TTC12: variants seen among roughly 807,000 people sequenced by gnomAD.
TTC12 encodes tetratricopeptide repeat domain 12.
In TTC12, 70 loss-of-function variants were observed where a neutral mutation model predicts 90.1. The observed-to-expected ratio is 0.78, with a 90% confidence interval of 0.64 to 0.95. The LOEUF (loss-of-function observed/expected upper bound fraction) is 0.95. Ranked by LOEUF, TTC12 falls within the 40% of genes least tolerant of loss-of-function variation. The probability of loss-of-function intolerance (pLI) is 0.00; values close to 1 mark genes in which losing one functional copy is unlikely to be tolerated. For missense variants in TTC12, 819 were observed against 846.1 expected (o/e 0.97, Z 0.40); for synonymous variants, 296 against 311.5 (o/e 0.95, Z 0.53).
At chr11:113,342,490 T>G (rs1236643083) in intron 12 of TTC12, among the ~76,000 whole-genome samples, 1 of 152,186 alleles carries the variant, frequency 6.6e-6, no homozygotes, top group Non-Finnish European at 1.5e-5. Context: ...TTTACTTACT[T>G]CTGTCATTTT....
chr11:113,325,716 G>C (rs1348139900), intron 6 of TTC12, 71 bp downstream of exon 6: 1 of 1,574,008 alleles, frequency 6.4e-7, no homozygotes, highest in Non-Finnish European at 8.6e-7. Flanking sequence ...GGAAAACAAA[G>C]ATGAGGCTAG....
At chr11:113,327,263 T>C (rs1363024546) in intron 6 of TTC12, among the ~76,000 whole-genome samples, 1 of 152,234 alleles carries the variant, frequency 6.6e-6, no homozygotes, top group East Asian at 1.9e-4. Context: ...TGAAAAGGTT[T>C]GAGGGAGTGA....
Position 113,340,688 on chromosome 11 carries a change from T to A in TTC12, c.851T>A (p.Met284Lys), listed in dbSNP as rs554680182. The A allele has an allele frequency of 3.7e-6, 6 of 1,614,132 alleles. No homozygotes were observed. The South Asian group carries it at 5.5e-5, about 15-fold the overall frequency. ...NECTEQTLFRMHNGFSIISDN... is the reference protein window; with the variant it reads ...NECTEQTLFRKHNGFSIISDN... ...GGCACAGAACAAACTTTATTCAGAA[T>A]GCACAATGGATTTAGTATCATCAGT... The change falls in exon 11 of 22, where the codon ATG becomes AAG. Residue 284 changes from methionine (M) to lysine (K), a missense_variant. Coordinates refer to ENST00000529221, the MANE Select transcript of TTC12 (RefSeq NM_017868.4).
chr11:113,332,574 G>T (rs1241943865), intron 7 of TTC12, among the ~76,000 whole-genome samples: 1 of 152,070 alleles, frequency 6.6e-6, no homozygotes, highest in African/African-American at 2.4e-5. Context: ...TTCATGAGGG[G>T]TCACCCCTCT....
At chr11:113,341,984 G>C in intron 12 of TTC12, 59 bp downstream of exon 12, 2 of 1,451,016 alleles carry the variant, frequency 1.4e-6, no homozygotes, top group Non-Finnish European at 1.9e-6. Flanking sequence ...GAACTACGCT[G>C]TTGGGTGGAC....
intron 18 of TTC12, 68 bp from the exon 19 acceptor site, chr11:113,362,333 G>C: frequency 8.1e-7 from 1 of 1,231,526 alleles, no homozygotes; most frequent in Non-Finnish European, 1.2e-6. Flanking sequence ...CAAACTCCCC[G>C]TTAGCTTTTA....
downstream of TTC12, among the ~76,000 whole-genome samples, chr11:113,367,834 A>AG (rs1181656741): frequency 7.7e-6 from 1 of 129,502 alleles, no homozygotes; most frequent in Non-Finnish European, 1.8e-5. Flanking sequence ...CTGGGTGGCA[A>AG]GCAAGTGACA....
At chr11:113,341,795 G>A (rs1360694180) in intron 11 of TTC12, 42 bp from the exon 12 acceptor site, 2 of 1,479,648 alleles carry the variant, frequency 1.4e-6, no homozygotes, top group Non-Finnish European at 1.9e-6. Flanking sequence ...AATCAAGACT[G>A]ATTTTCAGAC....
At chr11:113,366,409 T>C, downstream of TTC12, 1 of 1,547,744 alleles carries the variant, frequency 6.5e-7, no homozygotes, top group Admixed American at 1.8e-5. Context: ...AGTACTCATT[T>C]TTAGAGTGTT....
rs547866431 is a variant in TTC12 at position 113,334,154 on chromosome 11, A to G, written c.505-812A>G. ...CCGAGCTTGAACTCTTAACCTCTTC[A>G]TATCTAAACCTTTGAAGGGCATCTG... On this transcript the variant is annotated intron_variant, in intron 7 of 21. Coordinates refer to ENST00000529221, the MANE Select transcript of TTC12 (RefSeq NM_017868.4). Among the ~76,000 whole-genome samples, 6 of 152,334 alleles carry G rather than the reference A, an allele frequency of 3.9e-5. No individual in the cohort carries two copies. In the South Asian group the frequency reaches 6.2e-4, roughly 16 times the overall value.
chr11:113,342,114 T>C (rs936218654), intron 12 of TTC12, among the ~76,000 whole-genome samples, 189 bp downstream of exon 12: 1 of 152,162 alleles, frequency 6.6e-6, no homozygotes, highest in Non-Finnish European at 1.5e-5. Flanking sequence ...AAGGTTGGGG[T>C]GAAGGGAGGA....
At chr11:113,338,620 A>G (rs1420359831) in intron 8 of TTC12, among the ~76,000 whole-genome samples, 154 bp from the exon 9 acceptor site, 2 of 152,206 alleles carry the variant, frequency 1.3e-5, no homozygotes, top group East Asian at 1.9e-4. Flanking sequence ...AAAAATGTCA[A>G]ATGCACATTG....
At chr11:113,331,798 A>G (rs1555142636) in intron 7 of TTC12, among the ~76,000 whole-genome samples, 1 of 152,234 alleles carries the variant, frequency 6.6e-6, no homozygotes, top group Non-Finnish European at 1.5e-5. Flanking sequence ...ACATTAAAAA[A>G]CACTGACACT....
At chr11:113,362,549 C>A (rs782688389) in intron 19 of TTC12, 47 bp downstream of exon 19, 6 of 1,275,626 alleles carry the variant, frequency 4.7e-6, no homozygotes, top group Non-Finnish European at 6.9e-6. Flanking sequence ...ACAGAAGTCT[C>A]CTATTTTATT....
Position 113,338,788 on chromosome 11 carries a change from TAAG to T in TTC12, c.596_598del (p.Lys199del). On this transcript the variant is annotated inframe_deletion, in exon 9 of 22. Coordinates refer to ENST00000529221, the MANE Select transcript of TTC12 (RefSeq NM_017868.4). ...CTTTTTTCCAGTCTAGAGAGTGTTA[TAAG>T]AAGATCTTAGAAATAAACCCCAAGC... The T allele has an allele frequency of 5.6e-6, 9 of 1,614,024 alleles. No individual in the cohort carries two copies. The highest frequency in any genetic ancestry group is 1.7e-5 in the Admixed American group (1 of 60,022).
chr11:113,341,837 G>GTGTTTT lies in TTC12; in HGVS notation c.899_904dup (p.Cys300_Phe301dup), dbSNP rs1948703415. 1 of 1,611,934 alleles carries GTGTTTT rather than the reference G, an allele frequency of 6.2e-7. No individual in the cohort carries two copies. The highest frequency in any genetic ancestry group is 1.3e-5 in the African/African-American group (1 of 74,872). ...GATAGCTCTCCTTTGTCCATTCTAG[G>GTGTTTT]TGTTTTTCCACAGCAGGAAATGATG... On this transcript the variant is annotated inframe_insertion and splice_region_variant, in exon 12 of 22. Transcript: ENST00000529221.
chr11:113,351,492 T>C (rs192330738), intron 15 of TTC12, among the ~76,000 whole-genome samples, 193 bp downstream of exon 15: 27 of 152,318 alleles, frequency 1.8e-4, no homozygotes, highest in Middle Eastern at 6.8e-3. Context: ...GGCATATGGA[T>C]GGCGCTGGTT....
rs972670035 is a variant in TTC12, at chr11:113,352,077, A to G, written c.1316A>G (p.Asp439Gly). 2.5e-6 allele frequency: 4 copies of G among 1,613,734 alleles called. No individual in the cohort carries two copies. The highest frequency in any genetic ancestry group is 3.4e-6 in the Non-Finnish European group (4 of 1,179,880). Reference protein sequence around the residue: ...LPALTGVLKTDPKVSSSSALC... With the variant: ...LPALTGVLKTGPKVSSSSALC... ...CTCTCAATTCTCATTTAGAAGACAG[A>G]TCCCAAGGTAAGCAGCTCCTCGGCT... is the stretch of plus-strand genomic sequence containing the variant. The change falls in exon 16 of 22, where the codon GAT becomes GGT. Residue 439 changes from aspartate to glycine, a missense_variant. Transcript: ENST00000529221.
chr11:113,357,633 AG>A (rs1949698841), intron 16 of TTC12, among the ~76,000 whole-genome samples: 2 of 151,926 alleles, frequency 1.3e-5, no homozygotes, highest in African/African-American at 2.4e-5. Context: ...GACGACCTTG[AG>A]GGTTTTATTG....
Sources: allele counts gnomAD v4.1 joint callset (sites outside exome capture counted in the v4.1 genomes callset), GRCh38; gene constraint gnomAD v4.1.1; transcripts MANE v1.5; gene names NCBI Gene and HGNC (gene_info 2026-07-23, HGNC 2026-07-21).